The following MSRA variants were observed in gnomAD, a reference collection of about 807,000 sequenced individuals.
MSRA encodes the protein methionine sulfoxide reductase A, also known as mitochondrial peptide methionine sulfoxide reductase.
In MSRA, 54 loss-of-function variants were observed where a neutral mutation model predicts 31.3. The observed-to-expected ratio is 1.73, with a 90% CI of 1.39 to 2.17. The LOEUF (loss-of-function observed/expected upper bound fraction) is 2.17. Among genes scored for constraint, MSRA ranks in the 30% most tolerant of loss-of-function variants. The pLI, the probability that MSRA is intolerant of heterozygous loss-of-function variation, is 0.00. For missense variants in MSRA, 507 were observed against 300.9 expected, an observed-to-expected ratio of 1.69 and a Z score of -5.07; for synonymous variants, 169 against 116.5, an observed-to-expected ratio of 1.45 and a Z score of -2.90.
At chr8:10,086,498 T>G (rs957670415) in intron 1 of MSRA, among the ~76,000 whole-genome samples, 1 of 152,136 alleles carries the variant, frequency 6.6e-6, no homozygotes, top group Non-Finnish European at 1.5e-5. Flanking sequence ...TTGCTTGAAA[T>G]TTTTCTACCC....
chr8:10,225,844 C>T (rs1223079556), intron 2 of MSRA, among the ~76,000 whole-genome samples: 2 of 152,122 alleles, frequency 1.3e-5, no homozygotes, highest in South Asian at 2.1e-4. Flanking sequence ...GGTGCCAAGC[C>T]ATGCTGAAAG....
chr8:10,324,634 T>C (rs11249990), intron 5 of MSRA, among the ~76,000 whole-genome samples: 29,872 of 152,150 alleles, frequency 0.2, 3,797 homozygotes, highest in Non-Finnish European at 0.29. Context: ...CTGTGATTTT[T>C]ATCTTAGCTT....
intron 3 of MSRA, among the ~76,000 whole-genome samples, chr8:10,251,179 T>G (rs183575202): frequency 3.3e-5 from 5 of 151,950 alleles, no homozygotes; most frequent in East Asian, 3.9e-4. Flanking sequence ...AATAATAATT[T>G]CCCCACTAAT....
At chr8:10,318,844 A>T (rs975217345) in intron 4 of MSRA, among the ~76,000 whole-genome samples, 3 of 152,166 alleles carry the variant, frequency 2.0e-5, no homozygotes, top group African/African-American at 7.2e-5. Context: ...AGAAGCGGGC[A>T]TCAGGGCTTT....
intron 5 of MSRA, among the ~76,000 whole-genome samples, chr8:10,416,250 C>G (rs1003548019): frequency 1.3e-5 from 2 of 152,194 alleles, no homozygotes; most frequent in Non-Finnish European, 2.9e-5. Context: ...ACAGCCAGTG[C>G]GCAATAACAA....
chr8:10,074,830 T>G (rs1797925113), intron 1 of MSRA, among the ~76,000 whole-genome samples: 1 of 152,088 alleles, frequency 6.6e-6, no homozygotes, highest in African/African-American at 2.4e-5. Flanking sequence ...GGCTAATTTT[T>G]AGAGATTACC....
rs182390994 is a variant in MSRA at position 10,331,867 on chromosome 8, A to G, written c.543+11878A>G. On this transcript the variant is annotated intron_variant, in intron 5 of 5. Transcript: ENST00000317173. ...GTTATGCTGTATTCTTAAAATTTGT[A>G]TTGTTGTATTGTTTTTATTCATTTA... 2.2e-3 allele frequency among the ~76,000 whole-genome samples: 335 copies of G among 152,244 alleles called. 3 individuals carry two copies. The highest frequency in any genetic ancestry group is 7.8e-3 in the African/African-American group (323 of 41,536).
At chr8:10,270,790 G>C (rs558464933) in intron 3 of MSRA, among the ~76,000 whole-genome samples, 2 of 152,346 alleles carry the variant, frequency 1.3e-5, no homozygotes, top group African/African-American at 4.8e-5. Context: ...GTGATTCCAA[G>C]ATCTTCGGGC....
At position 10,225,244 on chromosome 8, in the gene MSRA, T is replaced by C. The variant is rs146576951; in HGVS notation, c.211+17343T>C. Among the ~76,000 whole-genome samples the C allele has an allele frequency of 1.6e-3, 247 of 152,354 alleles. 1 individual carries two copies. The highest frequency in any genetic ancestry group is 5.8e-3 in the African/African-American group (240 of 41,574). ...ACTGCACACCCTCCCATGTATTCAGTTGAAACCCTACTCTTCCTTGAAGTC... is the reference window on the plus strand; with the variant it reads ...ACTGCACACCCTCCCATGTATTCAGCTGAAACCCTACTCTTCCTTGAAGTC... On this transcript the variant is annotated intron_variant, in intron 2 of 5. Coordinates refer to ENST00000317173, the MANE Select transcript of MSRA (RefSeq NM_012331.5).
rs540562831 is a variant in MSRA, at chr8:10,366,162, G to A, written c.543+46173G>A. On this transcript the variant is annotated intron_variant, in intron 5 of 5. Coordinates refer to ENST00000317173, the MANE Select transcript of MSRA (RefSeq NM_012331.5). ...ACGGCTTTCTAGAGCAGATGGGCTCGGAGGAGACTGATTTTTTGAAAGAGA... is the reference window on the plus strand; with the variant it reads ...ACGGCTTTCTAGAGCAGATGGGCTCAGAGGAGACTGATTTTTTGAAAGAGA... 4.3e-4 allele frequency among the ~76,000 whole-genome samples: 66 copies of A among 152,338 alleles called. 1 individual carries two copies. The highest frequency in any genetic ancestry group is 8.1e-4 in the Non-Finnish European group (55 of 68,020).
chr8:10,073,324 GA>G (rs1797834836), intron 1 of MSRA, among the ~76,000 whole-genome samples: 1 of 152,032 alleles, frequency 6.6e-6, no homozygotes, highest in East Asian at 1.9e-4. Context: ...TTTTTATCAG[GA>G]AAAGGGTCTT....
chr8:10,233,263 C>G (rs1202772122), intron 2 of MSRA, among the ~76,000 whole-genome samples: 3 of 152,178 alleles, frequency 2.0e-5, no homozygotes, highest in African/African-American at 7.2e-5. Context: ...GTGCTTCTCT[C>G]TTCTTGCCTT....
chr8:10,391,144 T>C (rs1414050894), intron 5 of MSRA, among the ~76,000 whole-genome samples: 1 of 152,222 alleles, frequency 6.6e-6, no homozygotes, highest in Non-Finnish European at 1.5e-5. Flanking sequence ...AAGAACACTT[T>C]TATAGAAATG....
chr8:10,154,444 C>G lies in MSRA; in HGVS notation c.143-53389C>G, dbSNP rs554539652. Among the ~76,000 whole-genome samples the G allele has an allele frequency of 5.3e-5, 8 of 152,116 alleles. No homozygotes were observed. The South Asian group carries it at 1.7e-3, about 32-fold the overall frequency. On this transcript the variant is annotated intron_variant, in intron 1 of 5. Transcript: ENST00000317173. ...CCAGGCTGGAGTGCAGTGGCACAAT[C>G]TCGGCTCACTGCAAGCTCTGCCTTC...
intron 3 of MSRA, among the ~76,000 whole-genome samples, chr8:10,259,674 GTCCTGGGAAACCCAGGACTAGGGTT>G (rs973148953): frequency 1.4e-4 from 21 of 152,154 alleles, no homozygotes; most frequent in African/African-American, 4.6e-4. Context: ...AAGGTAGACC[GTCCTGGGAAACCCAGGACTAGGGTT>G]TCCTGGGGAA....
chr8:10,393,508 T>C (rs1806893859), intron 5 of MSRA, among the ~76,000 whole-genome samples: 1 of 152,216 alleles, frequency 6.6e-6, no homozygotes, highest in Admixed American at 6.5e-5. Flanking sequence ...TGACGGTGTT[T>C]GCTGGGCACC....
chr8:10,198,624 TTG>T (rs1227209684), intron 1 of MSRA, among the ~76,000 whole-genome samples: 1 of 152,160 alleles, frequency 6.6e-6, no homozygotes, highest in African/African-American at 2.4e-5. Context: ...TTTGACATTC[TTG>T]GTTGGTTGTG....
chr8:10,133,641 A>G (rs1445289415), intron 1 of MSRA, among the ~76,000 whole-genome samples: 1 of 152,138 alleles, frequency 6.6e-6, no homozygotes, highest in Admixed American at 6.5e-5. Flanking sequence ...GACCTACATC[A>G]CAGGGTTATT....
chr8:10,313,854 C>A (rs1801571097), intron 4 of MSRA, among the ~76,000 whole-genome samples: 1 of 152,192 alleles, frequency 6.6e-6, no homozygotes, highest in Non-Finnish European at 1.5e-5. Context: ...AGTTCAGAAA[C>A]AGACCCACTC....
Sources: gnomAD v4.1 joint callset for allele counts (sites outside exome capture counted in the v4.1 genomes callset) on GRCh38, gnomAD v4.1.1 for gene constraint, MANE v1.5 for transcripts, NCBI Gene and HGNC (gene_info 2026-07-23, HGNC 2026-07-21) for gene names.